Variants in C3orf85 observed in about 807,000 individuals in gnomAD.
C3orf85 encodes the protein uncharacterized protein C3orf85.
C3orf85 carries 1 observed loss-of-function variant against 1.7 expected under a neutral mutation model. The ratio of observed to expected loss-of-function variants is 0.60; its 90% CI spans 0.21 to 2.86. The LOEUF is 2.86. Among genes scored for constraint, C3orf85 ranks in the 30% most tolerant of loss-of-function variants. C3orf85 has a pLI of 0.22. For missense variants in C3orf85, 29 were observed against 21.3 expected (o/e 1.36, Z -0.72); for synonymous variants, 17 against 8.0 (o/e 2.13, Z -1.90).
intron 2 of C3orf85, 100 bp from the exon 3 acceptor site, chr3:109,148,153 C>A: frequency 1.6e-6 from 1 of 615,938 alleles, no homozygotes; most frequent in Non-Finnish European, 2.9e-6. Context: ...CCTCAGGCCC[C>A]CAGCCTACCA....
intron 2 of C3orf85, among the ~76,000 whole-genome samples, chr3:109,141,573 T>G (rs1350661010): frequency 1.3e-5 from 2 of 151,394 alleles, no homozygotes; most frequent in Admixed American, 1.3e-4. Context: ...TTCCATTATC[T>G]GTCTCTCTCT....
At chr3:109,147,617 A>C (rs527800485) in intron 2 of C3orf85, among the ~76,000 whole-genome samples, 1 of 152,326 alleles carries the variant, frequency 6.6e-6, no homozygotes, top group African/African-American at 2.4e-5. Flanking sequence ...AAAAATTATC[A>C]TCTCTTTTTT....
At chr3:109,146,811 G>A (rs1353260344) in intron 2 of C3orf85, among the ~76,000 whole-genome samples, 1 of 152,150 alleles carries the variant, frequency 6.6e-6, no homozygotes, top group African/African-American at 2.4e-5. Context: ...TTAAATAAAA[G>A]AGGGTACTAC....
At position 109,151,101 on chromosome 3, in the gene C3orf85, A is replaced by C. The variant is rs1212989565; in HGVS notation, c.*1207A>C. 6.6e-6 allele frequency among the ~76,000 whole-genome samples: 1 copy of C among 152,232 alleles called. No homozygotes were observed. The highest frequency in any genetic ancestry group is 1.5e-5 in the Non-Finnish European group (1 of 68,042). ...TAACTTATTAAGTTAACTGCTATCC[A>C]TTTCCAATAAATATGAACATAGATT... On this transcript the variant is annotated 3_prime_UTR_variant, in exon 4 of 4. Transcript: ENST00000622536.
intron 2 of C3orf85, among the ~76,000 whole-genome samples, chr3:109,138,000 T>C (rs1234220160): frequency 3.3e-5 from 5 of 152,150 alleles, no homozygotes; most frequent in Non-Finnish European, 5.9e-5. Flanking sequence ...CGGTGGTGGA[T>C]GCCTGCAAGG....
chr3:109,148,157 C>G (rs569367218), intron 2 of C3orf85, 96 bp from the exon 3 acceptor site: 14 of 617,986 alleles, frequency 2.3e-5, no homozygotes, highest in Non-Finnish European at 3.5e-5. Flanking sequence ...AGGCCCCCAG[C>G]CTACCAAAGA....
chr3:109,137,613 GTA>G (rs1220690564), intron 2 of C3orf85, among the ~76,000 whole-genome samples: 2 of 89,914 alleles, frequency 2.2e-5, no homozygotes, highest in African/African-American at 7.8e-5. Flanking sequence ...CTAGATAGAT[GTA>G]TATATGTGTG....
intron 2 of C3orf85, among the ~76,000 whole-genome samples, chr3:109,137,635 GTGTA>G (rs1287513437): frequency 5.0e-3 from 245 of 48,790 alleles, no homozygotes; most frequent in African/African-American, 9.3e-3. Context: ...GTGTGTGTGT[GTGTA>G]TATATATATA....
rs1706681617 is a variant in C3orf85, at chr3:109,136,754, T to C, written c.-5+13T>C. On this transcript the variant is annotated intron_variant, in intron 1 of 3. Coordinates refer to ENST00000622536, the MANE Select transcript of C3orf85 (RefSeq NM_001351622.2). The stretch of plus-strand genomic sequence containing the variant: ...ACAGGGCTTCCAGGTATGCAACAAA[T>C]GCTTTATACTTCTGAAAAGTACCTG... 2.5e-6 allele frequency: 1 copy of C among 399,582 alleles called. No homozygotes were observed. Among genetic ancestry groups the C allele is most frequent in the East Asian group, 3.6e-5 (1 of 28,042 alleles). The allele number at this position is 399,582 out of a possible 1,614,324, so 24.8% of individuals were successfully genotyped here.
chr3:109,141,532 C>T (rs966497390), intron 2 of C3orf85, among the ~76,000 whole-genome samples: 1 of 152,076 alleles, frequency 6.6e-6, no homozygotes, highest in Non-Finnish European at 1.5e-5. Flanking sequence ...TTCTCCTTCA[C>T]ATTTTTCTCT....
At chr3:109,143,415 C>G (rs1706762402) in intron 2 of C3orf85, among the ~76,000 whole-genome samples, 1 of 152,132 alleles carries the variant, frequency 6.6e-6, no homozygotes, top group African/African-American at 2.4e-5. Flanking sequence ...TTTCATTATG[C>G]TCATACTGCT....
At chr3:109,140,626 C>G (rs2107833158) in intron 2 of C3orf85, among the ~76,000 whole-genome samples, 1 of 152,326 alleles carries the variant, frequency 6.6e-6, no homozygotes, top group South Asian at 2.1e-4. Flanking sequence ...GGGATCCCAT[C>G]AACACATGTA....
chr3:109,145,064 T>A (rs546052852), intron 2 of C3orf85, among the ~76,000 whole-genome samples: 1 of 151,814 alleles, frequency 6.6e-6, no homozygotes, highest in Admixed American at 6.6e-5. Flanking sequence ...CTTCCTCCTG[T>A]CTTCCTCAAA....
intron 2 of C3orf85, among the ~76,000 whole-genome samples, chr3:109,141,892 G>A (rs1215222261): frequency 6.6e-6 from 1 of 152,194 alleles, no homozygotes; most frequent in Non-Finnish European, 1.5e-5. Context: ...AGCCAGGCGT[G>A]GTGGTGCATG....
chr3:109,142,018 G>T (rs150583755), intron 2 of C3orf85, among the ~76,000 whole-genome samples: 175 of 151,636 alleles, frequency 1.2e-3, no homozygotes, highest in African/African-American at 4.1e-3. Flanking sequence ...AATAAAGCAA[G>T]ACTACATCTC....
Position 109,149,789 on chromosome 3 carries a change from T to C in C3orf85, c.184-16T>C, listed in dbSNP as rs185679510. The C allele has an allele frequency of 5.0e-5, 20 of 398,436 alleles. No homozygotes were observed. The highest frequency in any genetic ancestry group is 8.8e-5 in the Admixed American group (2 of 22,736). 24.7% of individuals were successfully genotyped at this position (398,436 alleles called of 1,614,324 possible). ...ACACACTCAGAGATCATGACTTGTG[T>C]TTCCTTTTCTTGAAGGCTCGTGAAA... On this transcript the variant is annotated splice_polypyrimidine_tract_variant and intron_variant, in intron 3 of 3. Coordinates refer to ENST00000622536, the MANE Select transcript of C3orf85 (RefSeq NM_001351622.2).
intron 2 of C3orf85, among the ~76,000 whole-genome samples, chr3:109,140,320 C>T (rs1254250644): frequency 6.6e-6 from 1 of 152,148 alleles, no homozygotes; most frequent in South Asian, 2.1e-4. Flanking sequence ...GGTAAAACAA[C>T]ACAGCAAAGT....
chr3:109,144,055 G>A (rs1262792091), intron 2 of C3orf85, among the ~76,000 whole-genome samples: 1 of 152,158 alleles, frequency 6.6e-6, no homozygotes, highest in Non-Finnish European at 1.5e-5. Flanking sequence ...ATTTTTCATA[G>A]CTGATGATCA....
At chr3:109,138,342 A>C (rs1706703306) in intron 2 of C3orf85, among the ~76,000 whole-genome samples, 1 of 152,214 alleles carries the variant, frequency 6.6e-6, no homozygotes, top group East Asian at 1.9e-4. Flanking sequence ...CACTGCTTGC[A>C]GATTGAGGAG....
Sources: gnomAD v4.1 joint callset for allele counts (sites outside exome capture counted in the v4.1 genomes callset) on GRCh38, gnomAD v4.1.1 for gene constraint, MANE v1.5 for transcripts, NCBI Gene and HGNC (gene_info 2026-07-23, HGNC 2026-07-21) for gene names.